The following NRG3 variants were observed in gnomAD, a reference collection of about 807,000 sequenced individuals.
NRG3 encodes the protein neuregulin 3.
In NRG3, 31 loss-of-function variants were observed where a neutral mutation model predicts 66.9. That is an observed-to-expected ratio of 0.46 (90% CI 0.35 to 0.63). The LOEUF (loss-of-function observed/expected upper bound fraction) is 0.63. Among genes scored for constraint, NRG3 ranks in the 20% least tolerant of loss-of-function variants. NRG3 has a pLI of 0.00. For synonymous variants in NRG3, 393 were observed against 359.4 expected, an observed-to-expected ratio of 1.09 and a Z score of -1.06; for missense variants, 910 against 878.9, an observed-to-expected ratio of 1.04 and a Z score of -0.45.
chr10:82,710,374 T>A (rs1035770241), intron 2 of NRG3, among the ~76,000 whole-genome samples: 1 of 152,004 alleles, frequency 6.6e-6, no homozygotes, highest in Non-Finnish European at 1.5e-5. Flanking sequence ...TCCTCTCAGG[T>A]CGGGAGTTCG....
intron 1 of NRG3, among the ~76,000 whole-genome samples, chr10:82,298,033 A>G (rs978308603): frequency 6.6e-6 from 1 of 152,112 alleles, no homozygotes; most frequent in Admixed American, 6.5e-5. Context: ...AGTCCCAACT[A>G]CTGGAGAGGC....
intron 1 of NRG3, among the ~76,000 whole-genome samples, chr10:81,996,521 T>A (rs1233951483): frequency 2.6e-5 from 4 of 152,212 alleles, no homozygotes; most frequent in Admixed American, 6.5e-5. Flanking sequence ...ATAAGATATT[T>A]ACATATTTTT....
chr10:82,069,984 A>G (rs1299695929), intron 1 of NRG3, among the ~76,000 whole-genome samples: 1 of 152,198 alleles, frequency 6.6e-6, no homozygotes. Context: ...TACTGAGTGA[A>G]TATATTTGAT....
At chr10:82,334,417 C>T (rs968786306) in intron 1 of NRG3, among the ~76,000 whole-genome samples, 18 of 152,024 alleles carry the variant, frequency 1.2e-4, no homozygotes, top group African/African-American at 4.1e-4. Flanking sequence ...AGGGCTATGA[C>T]AAAAGGAATG....
At chr10:81,964,517 A>G (rs1041964035) in intron 1 of NRG3, among the ~76,000 whole-genome samples, 1 of 152,168 alleles carries the variant, frequency 6.6e-6, no homozygotes, top group African/African-American at 2.4e-5. Context: ...TCCCCTACAG[A>G]TGAACGTTGA....
rs200435210 is a variant in NRG3, at chr10:82,657,173, A to C, written c.954-81404A>C. Among the ~76,000 whole-genome samples, 140 of 152,212 alleles carry C rather than the reference A, an allele frequency of 9.2e-4. 1 individual carries two copies. The East Asian group carries it at 0.019, about 21-fold the overall frequency. On this transcript the variant is annotated intron_variant, in intron 2 of 8. Coordinates refer to ENST00000372141, the MANE Select transcript of NRG3 (RefSeq NM_001010848.4). Reference sequence around the variant, plus strand: ...CACTCTCTCTGGCTCTTTATTTTTTACATAGCACCGATCACATTCTATATA... The same window carrying C: ...CACTCTCTCTGGCTCTTTATTTTTTCCATAGCACCGATCACATTCTATATA...
chr10:82,523,389 G>C (rs891842424), intron 2 of NRG3, among the ~76,000 whole-genome samples: 1 of 152,046 alleles, frequency 6.6e-6, no homozygotes, highest in Admixed American at 6.6e-5. Flanking sequence ...GTACTTGAGG[G>C]TTCCAATTTC....
intron 1 of NRG3, among the ~76,000 whole-genome samples, chr10:82,159,915 C>G (rs773503922): frequency 1.5e-4 from 23 of 151,820 alleles, no homozygotes; most frequent in Admixed American, 1.3e-4. Flanking sequence ...GGAAAGAGTC[C>G]TGGAATGAAT....
intron 1 of NRG3, among the ~76,000 whole-genome samples, chr10:81,892,774 G>C (rs1460956512): frequency 6.6e-6 from 1 of 152,136 alleles, no homozygotes; most frequent in African/African-American, 2.4e-5. Flanking sequence ...GGTGACTGTA[G>C]TCAAAAATAA....
At position 82,787,032 on chromosome 10, in the gene NRG3, C is replaced by A. The variant is rs375545425; in HGVS notation, c.1027+48382C>A. Among the ~76,000 whole-genome samples the A allele has an allele frequency of 1.1e-4, 17 of 152,304 alleles. No homozygotes were observed. The East Asian group carries it at 1.4e-3, about 12-fold the overall frequency. ...AAATCTCTGTTCTTTATTACCCAGT[C>A]TCAAATTTTCTGTTATTATCAGCAC... On this transcript the variant is annotated intron_variant, in intron 3 of 8. Coordinates refer to ENST00000372141, the MANE Select transcript of NRG3 (RefSeq NM_001010848.4).
At chr10:82,896,885 T>G (rs1291092255) in intron 4 of NRG3, among the ~76,000 whole-genome samples, 1 of 152,230 alleles carries the variant, frequency 6.6e-6, no homozygotes, top group African/African-American at 2.4e-5. Context: ...GAGTCTTTAT[T>G]GTTTTCATCA....
intron 1 of NRG3, among the ~76,000 whole-genome samples, chr10:82,151,425 G>A (rs562974910): frequency 6.6e-6 from 1 of 152,142 alleles, no homozygotes; most frequent in Admixed American, 6.5e-5. Flanking sequence ...CAGAGCACAC[G>A]AGGATGAAAA....
At chr10:82,666,696 T>C (rs2052813582) in intron 2 of NRG3, among the ~76,000 whole-genome samples, 1 of 152,222 alleles carries the variant, frequency 6.6e-6, no homozygotes, top group Non-Finnish European at 1.5e-5. Flanking sequence ...CTAGAGTTCT[T>C]TACAAACTGC....
intron 1 of NRG3, among the ~76,000 whole-genome samples, chr10:81,887,118 T>A (rs1338921628): frequency 2.0e-5 from 3 of 152,210 alleles, no homozygotes; most frequent in Non-Finnish European, 4.4e-5. Context: ...TTTCTTTATG[T>A]CTAAAGAGTT....
intron 1 of NRG3, among the ~76,000 whole-genome samples, chr10:82,156,519 C>T (rs1273228802): frequency 6.6e-6 from 1 of 150,882 alleles, no homozygotes; most frequent in Admixed American, 6.6e-5. Flanking sequence ...TCAATATCAC[C>T]TCCTATTATT....
At chr10:82,277,972 C>T (rs1179936592) in intron 1 of NRG3, among the ~76,000 whole-genome samples, 1 of 151,992 alleles carries the variant, frequency 6.6e-6, no homozygotes, top group Non-Finnish European at 1.5e-5. Flanking sequence ...TGATTTCTTG[C>T]CATAATACTT....
intron 2 of NRG3, among the ~76,000 whole-genome samples, chr10:82,364,165 C>G (rs748727442): frequency 6.6e-5 from 10 of 152,072 alleles, no homozygotes; most frequent in Non-Finnish European, 1.5e-4. Flanking sequence ...GTGTCCTTGT[C>G]TCTTTAAAAT....
intron 5 of NRG3, among the ~76,000 whole-genome samples, chr10:82,952,512 T>C (rs1226607331): frequency 6.7e-6 from 1 of 148,478 alleles, no homozygotes; most frequent in Non-Finnish European, 1.5e-5. Context: ...TGTGTGTGTG[T>C]GTGTGTGTAT....
intron 1 of NRG3, among the ~76,000 whole-genome samples, chr10:81,963,121 G>GCC (rs2059585057): frequency 2.9e-5 from 4 of 140,074 alleles, no homozygotes; most frequent in African/African-American, 1.2e-4. Context: ...CTGCCACGAG[G>GCC]GCTCTTTTTT....
Sources: gnomAD v4.1 joint callset for allele counts (sites outside exome capture counted in the v4.1 genomes callset) on GRCh38, gnomAD v4.1.1 for gene constraint, MANE v1.5 for transcripts, NCBI Gene and HGNC (gene_info 2026-07-23, HGNC 2026-07-21) for gene names.